The following DGKK variants were observed in gnomAD, a reference collection of about 807,000 sequenced individuals.
DGKK encodes diacylglycerol kinase kappa.
DGKK carries 35 observed loss-of-function variants against 92.2 expected under a neutral mutation model. That is an observed-to-expected ratio of 0.38 (90% CI 0.29 to 0.50). The LOEUF (loss-of-function observed/expected upper bound fraction) is 0.50, where lower values mean the gene tolerates loss of function less well. Ranked by LOEUF, DGKK falls within the 20% of genes least tolerant of loss-of-function variation. DGKK has a pLI of 0.92. For synonymous variants in DGKK, 368 were observed against 360.6 expected (o/e 1.02, Z -0.23); for missense variants, 910 against 992.2 (o/e 0.92, Z 1.11).
At position 50,368,960 on chromosome X, in the gene DGKK, G is replaced by T. The variant is rs1924041293; in HGVS notation, c.3796C>A (p.Pro1266Thr). The T allele has an allele frequency of 8.3e-7, 1 of 1,209,479 alleles. No homozygotes were observed. Among genetic ancestry groups the T allele is most frequent in the East Asian group, 3.0e-5 (1 of 33,784 alleles). Residue 1266 changes from proline (P) to threonine (T), a missense_variant, in exon 28 of 28, where the codon CCA (proline) becomes ACA (threonine). Coordinates refer to ENST00000611977, the MANE Select transcript of DGKK (RefSeq NM_001013742.4). ...DEAEGDDPLTPSRSQL is the reference protein window; with the variant it reads ...DEAEGDDPLTTSRSQL ...AAGGGCTACAGTTGAGATCTCGATG[G>T]TGTTAGAGGATCATCACCCTCTGCT...
chrX:50,432,082 C>T (rs1925904356), intron 1 of DGKK, among the ~76,000 whole-genome samples: 1 of 111,715 alleles, frequency 9.0e-6, no homozygotes, highest in Admixed American at 9.5e-5. Context: ...AATAGGATGA[C>T]CAACTGTCCT....
rs782724714 is a variant in DGKK at position 50,388,535 on chromosome X, G to A, written c.2010C>T (p.Ile670=). The A allele has an allele frequency of 1.1e-5, 13 of 1,205,373 alleles. No homozygotes were observed. In the Admixed American group the frequency reaches 1.1e-4, roughly 10 times the overall value. The stretch of plus-strand genomic sequence containing the variant: ...GCCAAAGGAAGACTGACCTGGTTGC[G>A]ATGATCATCTCTGTGGGGTACTTGG... ...LKAKYPTEMI[I]ATRFLCSAVE... is the part of the protein sequence containing the mutation. The change falls in exon 13 of 28, where the codon ATC becomes ATT. Residue 670 remains isoleucine (I), a synonymous_variant. Transcript: ENST00000611977.
At position 50,403,475 on chromosome X, in the gene DGKK, C is replaced by T. The variant is rs781955781; in HGVS notation, c.1185+16G>A. On this transcript the variant is annotated intron_variant, in intron 6 of 27. Coordinates refer to ENST00000611977, the MANE Select transcript of DGKK (RefSeq NM_001013742.4). ...ATGGGAGAGGCCGACTGTGGGAAGA[C>T]ATGGCTAGTACTTACTACTTCATCT... 1 of 1,188,187 alleles carries T rather than the reference C, an allele frequency of 8.4e-7. No individual in the cohort carries two copies.
At chrX:50,403,701 A>G (rs1234122067) in intron 5 of DGKK, 104 bp from the exon 6 acceptor site, 4 of 663,867 alleles carry the variant, frequency 6.0e-6, no homozygotes, top group Admixed American at 5.1e-5. Context: ...GATGCATTCT[A>G]AATAGTTCTA....
At chrX:50,387,442 C>T (rs1557225068) in intron 14 of DGKK, 112 bp downstream of exon 14, 7 of 574,500 alleles carry the variant, frequency 1.2e-5, no homozygotes, top group South Asian at 8.3e-5. Flanking sequence ...TTAACAGCTG[C>T]CCCTCCTTTC....
Position 50,470,348 on chromosome X carries a change from G to C in DGKK, c.331C>G (p.Pro111Ala). 1 of 1,208,515 alleles carries C rather than the reference G, an allele frequency of 8.3e-7. No homozygotes were observed. Residue 111 changes from proline to alanine, a missense_variant, in exon 1 of 28, where the codon CCA becomes GCA. Physicochemically the swap from Pro to Ala is conservative, Grantham distance 27. Transcript: ENST00000611977. The stretch of plus-strand genomic sequence containing the variant: ...GTGGCAGGTTCTGGGGCCGGTTCTG[G>C]GGCCGGCTCTGTGGCAGGTTCTGGG... ...PAPEPATEPA[P>A]EPAPEPATES...
At chrX:50,435,443 A>G (rs782603918) in intron 1 of DGKK, among the ~76,000 whole-genome samples, 1 of 112,479 alleles carries the variant, frequency 8.9e-6, no homozygotes, top group Non-Finnish European at 1.9e-5. Flanking sequence ...GCAGACAGAC[A>G]TCTGAAGGCC....
At chrX:50,461,928 G>A (rs1219157790) in intron 1 of DGKK, among the ~76,000 whole-genome samples, 1 of 111,519 alleles carries the variant, frequency 9.0e-6, no homozygotes, top group Non-Finnish European at 1.9e-5. Context: ...AGCACATAAT[G>A]AAACATAATG....
At chrX:50,420,593 C>A in intron 3 of DGKK, 86 bp from the exon 4 acceptor site, 1 of 808,731 alleles carries the variant, frequency 1.2e-6, no homozygotes, top group African/African-American at 2.0e-5. Flanking sequence ...AGAAACTACA[C>A]AGATGTACCA....
intron 1 of DGKK, among the ~76,000 whole-genome samples, chrX:50,453,122 G>A (rs564524032): frequency 3.9e-4 from 43 of 111,591 alleles, no homozygotes; most frequent in South Asian, 1.1e-3. Flanking sequence ...AGTCCTAAAA[G>A]GCAGGCAAGT....
chrX:50,375,087 A>G (rs1924237021), intron 24 of DGKK, 30 bp from the exon 25 acceptor site: 1 of 1,123,535 alleles, frequency 8.9e-7, no homozygotes, highest in Admixed American at 2.3e-5. Flanking sequence ...AAAGGAGAGA[A>G]AAAGACAAAG....
rs1409673437 is a variant in DGKK at position 50,371,770 on chromosome X, T to C, written c.3566A>G (p.Lys1189Arg). Residue 1189 changes from lysine to arginine, a missense_variant, in exon 26 of 28, where the codon AAA becomes AGA. Coordinates refer to ENST00000611977, the MANE Select transcript of DGKK (RefSeq NM_001013742.4). ...SALDAMNKEF[K>R]KLSEIDWMNP... ...CATCCAGTCAATCTCAGATAGCTTT[T>C]TGAACTCCTTATTCATGGCATCCAG... The C allele has an allele frequency of 9.9e-6, 12 of 1,206,520 alleles. No individual in the cohort carries two copies. The highest frequency in any genetic ancestry group is 1.0e-5 in the Non-Finnish European group (9 of 893,206).
intron 1 of DGKK, among the ~76,000 whole-genome samples, chrX:50,445,810 C>T (rs1162181587): frequency 9.0e-6 from 1 of 111,223 alleles, no homozygotes; most frequent in East Asian, 2.8e-4. Context: ...TTTTCTAGTT[C>T]TATGAATAAT....
chrX:50,470,348 G>T lies in DGKK; in HGVS notation c.331C>A (p.Pro111Thr), dbSNP rs868922056. ...GTGGCAGGTTCTGGGGCCGGTTCTG[G>T]GGCCGGCTCTGTGGCAGGTTCTGGG... Reference protein sequence around the residue: ...PAPEPATEPAPEPAPEPATES... With the variant: ...PAPEPATEPATEPAPEPATES... Residue 111 changes from proline to threonine, a missense_variant, in exon 1 of 28, where the codon CCA becomes ACA. Physicochemically the swap from Pro to Thr is conservative, Grantham distance 38. Coordinates refer to ENST00000611977, the MANE Select transcript of DGKK (RefSeq NM_001013742.4). The T allele has an allele frequency of 1.7e-6, 2 of 1,206,923 alleles. No homozygotes were observed. Among genetic ancestry groups the T allele is most frequent in the Non-Finnish European group, 2.2e-6 (2 of 894,080 alleles).
At chrX:50,394,314 G>A in intron 8 of DGKK, among the ~76,000 whole-genome samples, 1 of 111,718 alleles carries the variant, frequency 9.0e-6, no homozygotes, top group East Asian at 2.8e-4. Context: ...ATCTACTTGA[G>A]CAGATTTCAT....
chrX:50,422,598 AC>A, intron 2 of DGKK, 72 bp from the exon 3 acceptor site: 1 of 124,958 alleles, frequency 8.0e-6, no homozygotes, highest in Non-Finnish European at 1.3e-5. Context: ...TAAAAGGTAA[AC>A]ACACACACAC....
intron 12 of DGKK, 79 bp from the exon 13 acceptor site, chrX:50,388,697 C>T (rs1924612133): frequency 3.0e-6 from 2 of 671,319 alleles, no homozygotes; most frequent in Non-Finnish European, 4.5e-6. Flanking sequence ...CCCCTGCAGC[C>T]TCATTGTTTC....
intron 25 of DGKK, among the ~76,000 whole-genome samples, chrX:50,373,127 G>A (rs1197354785): frequency 8.9e-6 from 1 of 112,422 alleles, no homozygotes; most frequent in Non-Finnish European, 1.9e-5. Flanking sequence ...CACGGGACAT[G>A]TGTGTGCCAA....
chrX:50,446,258 TG>T (rs782346267), intron 1 of DGKK, among the ~76,000 whole-genome samples: 1 of 111,666 alleles, frequency 9.0e-6, no homozygotes, highest in African/African-American at 3.2e-5. Context: ...TCTTCCTATT[TG>T]GATGTCCTTT....
Sources: gnomAD v4.1 joint callset for allele counts (sites outside exome capture counted in the v4.1 genomes callset) on GRCh38, gnomAD v4.1.1 for gene constraint, MANE v1.5 for transcripts, NCBI Gene and HGNC (gene_info 2026-07-23, HGNC 2026-07-21) for gene names.